NTF3: variants seen among roughly 807,000 people sequenced by gnomAD.
NTF3 encodes the protein neurotrophin 3.
A neutral mutation model predicts 26.3 loss-of-function variants in NTF3; 8 were observed. The observed-to-expected ratio is 0.30, with a 90% CI of 0.18 to 0.55. The LOEUF is 0.55. Ranked by LOEUF, NTF3 falls within the 20% of genes least tolerant of loss-of-function variation. The pLI is 0.93. For synonymous variants in NTF3, 154 were observed against 145.5 expected, an observed-to-expected ratio of 1.06 and a Z score of -0.42; for missense variants, 276 against 352.9, an observed-to-expected ratio of 0.78 and a Z score of 1.75.
At chr12:5,436,032 C>G (rs1007512106) in intron 1 of NTF3, among the ~76,000 whole-genome samples, 5 of 152,042 alleles carry the variant, frequency 3.3e-5, no homozygotes, top group Non-Finnish European at 7.4e-5. Context: ...AAGGTGTACA[C>G]AAAAGAAGGG....
intron 1 of NTF3, among the ~76,000 whole-genome samples, chr12:5,481,555 AC>A (rs1940798802): frequency 6.9e-6 from 1 of 144,188 alleles, no homozygotes; most frequent in East Asian, 2.2e-4. Flanking sequence ...ACATATATGC[AC>A]ACACACACAT....
intron 1 of NTF3, among the ~76,000 whole-genome samples, chr12:5,459,881 A>C (rs1018225242): frequency 6.6e-6 from 1 of 152,172 alleles, no homozygotes; most frequent in Non-Finnish European, 1.5e-5. Context: ...CTGATTTGCC[A>C]TTCCAGATGC....
chr12:5,441,716 G>A (rs942980618), intron 1 of NTF3, among the ~76,000 whole-genome samples: 1 of 152,232 alleles, frequency 6.6e-6, no homozygotes, highest in African/African-American at 2.4e-5. Context: ...CTCAGAATGT[G>A]CAGCAGCGAT....
intron 1 of NTF3, among the ~76,000 whole-genome samples, chr12:5,439,403 A>T (rs1239322475): frequency 6.6e-6 from 1 of 152,154 alleles, no homozygotes; most frequent in Non-Finnish European, 1.5e-5. Context: ...TGCTAGTCAG[A>T]TTCTGTTTTT....
intron 1 of NTF3, among the ~76,000 whole-genome samples, chr12:5,478,450 T>C (rs999725003): frequency 6.6e-6 from 1 of 150,810 alleles, no homozygotes; most frequent in Non-Finnish European, 1.5e-5. Flanking sequence ...GTCCAGACCC[T>C]TCCGTCTGAC....
chr12:5,446,346 AATTTGCATATC>A (rs1231111735), intron 1 of NTF3, among the ~76,000 whole-genome samples: 1 of 152,180 alleles, frequency 6.6e-6, no homozygotes, highest in Non-Finnish European at 1.5e-5. Context: ...TCTCCCCAGT[AATTTGCATATC>A]AGCCAGATAC....
At chr12:5,491,810 C>T (rs572513360) in intron 1 of NTF3, among the ~76,000 whole-genome samples, 109 of 150,236 alleles carry the variant, frequency 7.3e-4, no homozygotes, top group African/African-American at 2.5e-3. Context: ...AGCTCCGCCT[C>T]CCGGGTTCAC....
chr12:5,472,611 G>C (rs559812654), intron 1 of NTF3, among the ~76,000 whole-genome samples: 1 of 152,284 alleles, frequency 6.6e-6, no homozygotes, highest in East Asian at 1.9e-4. Context: ...TGCCTTAAGT[G>C]GGGACATGTG....
intron 1 of NTF3, among the ~76,000 whole-genome samples, chr12:5,479,912 T>C (rs1371230376): frequency 1.3e-5 from 2 of 152,220 alleles, no homozygotes; most frequent in African/African-American, 4.8e-5. Flanking sequence ...GCCTTCAGTG[T>C]TAGGTCATGG....
chr12:5,450,366 G>A (rs1426802558), intron 1 of NTF3, among the ~76,000 whole-genome samples: 1 of 152,200 alleles, frequency 6.6e-6, no homozygotes, highest in Non-Finnish European at 1.5e-5. Context: ...TTAACTGATA[G>A]AAATGTTTGG....
chr12:5,462,519 C>G (rs1049936178), intron 1 of NTF3, among the ~76,000 whole-genome samples: 1 of 152,138 alleles, frequency 6.6e-6, no homozygotes, highest in Non-Finnish European at 1.5e-5. Context: ...AGAATAGTAC[C>G]TGGTGCATTG....
chr12:5,489,132 C>A (rs1940903618), intron 1 of NTF3, among the ~76,000 whole-genome samples: 1 of 152,200 alleles, frequency 6.6e-6, no homozygotes, highest in South Asian at 2.1e-4. Context: ...ATGGGCTGCA[C>A]TGGAGAGCAT....
chr12:5,466,810 T>A (rs1940595723), intron 1 of NTF3, among the ~76,000 whole-genome samples: 1 of 152,218 alleles, frequency 6.6e-6, no homozygotes, highest in South Asian at 2.1e-4. Context: ...CTGACAGCCA[T>A]CTGCCCTGAG....
chr12:5,454,150 G>A (rs1591595909), intron 1 of NTF3, among the ~76,000 whole-genome samples: 1 of 152,304 alleles, frequency 6.6e-6, no homozygotes, highest in African/African-American at 2.4e-5. Context: ...TGCGGTCAGG[G>A]CCGTGTTTCA....
chr12:5,432,717 G>A (rs1019406994), intron 1 of NTF3, among the ~76,000 whole-genome samples: 1 of 152,076 alleles, frequency 6.6e-6, no homozygotes, highest in African/African-American at 2.4e-5. Flanking sequence ...TGGAAAGGGT[G>A]GGGGCAGAAG....
intron 1 of NTF3, among the ~76,000 whole-genome samples, chr12:5,478,002 A>G (rs945085357): frequency 6.6e-6 from 1 of 152,216 alleles, no homozygotes; most frequent in African/African-American, 2.4e-5. Context: ...CTCAAAGCAC[A>G]TGTGTTCATT....
rs1591611206 is a variant in NTF3 at position 5,494,726 on chromosome 12, A to G, written c.551A>G (p.His184Arg). 1.2e-6 allele frequency: 2 copies of G among 1,614,186 alleles called. No homozygotes were observed. The highest frequency in any genetic ancestry group is 1.7e-5 in the Admixed American group (1 of 60,032). ...TCATCGGCCATCGACATTCGGGGAC[A>G]CCAGGTCACGGTGCTGGGGGAGATC... ...DKSSAIDIRG[H>R]QVTVLGEIKT... The change falls in exon 2 of 2, where the codon CAC becomes CGC. Residue 184 changes from histidine to arginine, a missense_variant. His to Arg is a conservative substitution (Grantham distance 29, BLOSUM62 0). Transcript: ENST00000423158. This position sits in a 1 kb window ranked among gnomAD's most constrained non-coding sequence, Gnocchi z 8.3.
intron 1 of NTF3, among the ~76,000 whole-genome samples, chr12:5,483,223 G>A (rs1591606360): frequency 6.9e-6 from 1 of 145,478 alleles, no homozygotes; most frequent in African/African-American, 2.5e-5. Context: ...CTCTCTCTCT[G>A]GCACTCACTC....
At chr12:5,461,496 G>C (rs554410045) in intron 1 of NTF3, among the ~76,000 whole-genome samples, 18 of 152,156 alleles carry the variant, frequency 1.2e-4, no homozygotes, top group Middle Eastern at 3.4e-3. Flanking sequence ...TCAGCTCTCT[G>C]CTCAAAACAG....
Sources: allele counts gnomAD v4.1 joint callset (sites outside exome capture counted in the v4.1 genomes callset), GRCh38; gene constraint gnomAD v4.1.1; non-coding constraint Gnocchi (gnomAD v3.1); transcripts MANE v1.5; gene names NCBI Gene and HGNC (gene_info 2026-07-23, HGNC 2026-07-21).